RAB5C: variants seen among roughly 807,000 people sequenced by gnomAD.
RAB5C encodes RAB5C, member RAS oncogene family.
A neutral mutation model predicts 25.2 loss-of-function variants in RAB5C; 4 were observed. That is an observed-to-expected ratio of 0.16 (90% CI 0.08 to 0.36). RAB5C has a LOEUF of 0.36. Among genes scored for constraint, RAB5C ranks in the 10% least tolerant of loss-of-function variants. RAB5C has a pLI of 1.00. For missense variants in RAB5C, 199 were observed against 283.8 expected, an observed-to-expected ratio of 0.70 and a Z score of 2.15; for synonymous variants, 100 against 106.4, an observed-to-expected ratio of 0.94 and a Z score of 0.37.
intron 1 of RAB5C, among the ~76,000 whole-genome samples, chr17:42,152,821 G>A (rs2079680962): frequency 6.6e-6 from 1 of 151,754 alleles, no homozygotes; most frequent in African/African-American, 2.4e-5. Context: ...AGCTGGGAGA[G>A]CATGTCCAGA....
chr17:42,141,450 G>A (rs1400381380), intron 1 of RAB5C, among the ~76,000 whole-genome samples: 2 of 152,194 alleles, frequency 1.3e-5, no homozygotes, highest in African/African-American at 2.4e-5. Context: ...GCACAGATAC[G>A]GTGAACTGTG....
intron 1 of RAB5C, 67 bp downstream of exon 1, chr17:42,154,822 CGGGA>C (rs1308043593): frequency 6.6e-6 from 1 of 152,316 alleles, no homozygotes; most frequent in Admixed American, 6.5e-5. Flanking sequence ...TGGGGCTGGG[CGGGA>C]GGAAGGGCTG....
chr17:42,142,460 G>A (rs532468383), intron 1 of RAB5C, among the ~76,000 whole-genome samples: 1 of 152,326 alleles, frequency 6.6e-6, no homozygotes, highest in Admixed American at 6.5e-5. Flanking sequence ...AAAGAAAGCA[G>A]AGTTCCTTTT....
chr17:42,141,554 C>A (rs1226707030), intron 1 of RAB5C, among the ~76,000 whole-genome samples: 3 of 152,150 alleles, frequency 2.0e-5, no homozygotes. Flanking sequence ...CTCGGGTCCC[C>A]TAACAGAGCC....
intron 1 of RAB5C, among the ~76,000 whole-genome samples, chr17:42,144,945 A>G (rs2079624356): frequency 2.4e-4 from 8 of 33,146 alleles, no homozygotes; most frequent in Non-Finnish European, 3.1e-4. Context: ...AAAAAAAAAA[A>G]AAAAAAAAAA....
chr17:42,127,843 T>A lies in RAB5C; in HGVS notation c.441+418A>T, dbSNP rs80227404. ...CACCTGGCTGTTTTTTTTTTTTTTT[T>A]AAAGAGATGGGGCCTCACTCTTGCT... On this transcript the variant is annotated intron_variant, in intron 4 of 5. Transcript: ENST00000346213. 4.8e-3 allele frequency among the ~76,000 whole-genome samples: 728 copies of A among 150,618 alleles called. 3 individuals carry two copies. The highest frequency in any genetic ancestry group is 0.017 in the African/African-American group (693 of 40,982).
intron 4 of RAB5C, among the ~76,000 whole-genome samples, chr17:42,127,963 G>A (rs1489948222): frequency 6.6e-6 from 1 of 151,744 alleles, no homozygotes; most frequent in Admixed American, 6.6e-5. Flanking sequence ...GAGACTACAG[G>A]TGCGTGCCAC....
At chr17:42,134,190 G>C (rs2054513934) in intron 1 of RAB5C, among the ~76,000 whole-genome samples, 1 of 152,102 alleles carries the variant, frequency 6.6e-6, no homozygotes, top group Non-Finnish European at 1.5e-5. Flanking sequence ...TCCCAAGCCT[G>C]GGAAACTGAA....
At chr17:42,147,342 A>G (rs543233513) in intron 1 of RAB5C, among the ~76,000 whole-genome samples, 1 of 152,290 alleles carries the variant, frequency 6.6e-6, no homozygotes, top group African/African-American at 2.4e-5. Context: ...CTCAGGAACG[A>G]GCCTTGTGCA....
intron 1 of RAB5C, among the ~76,000 whole-genome samples, chr17:42,134,507 G>A (rs1488068424): frequency 6.6e-6 from 1 of 152,208 alleles, no homozygotes; most frequent in Non-Finnish European, 1.5e-5. Flanking sequence ...AACCCAGGAA[G>A]CAGAGATTGC....
At chr17:42,143,783 ATTAT>A (rs1350759370) in intron 1 of RAB5C, among the ~76,000 whole-genome samples, 7 of 152,100 alleles carry the variant, frequency 4.6e-5, no homozygotes, top group Admixed American at 2.6e-4. Flanking sequence ...GTAACATTGG[ATTAT>A]TTATTTATTT....
In RAB5C at chr17:42,125,692, GGCCCGA is replaced by G. The variant is rs2054413536; in HGVS notation, c.*85_*90del. ...CCCCTCCCCCTGCCCCCCCAGTGGT[GGCCCGA>G]GTCGTTAAGTGCGATTGGTTAGAGT... On this transcript the variant is annotated 3_prime_UTR_variant, in exon 6 of 6. Coordinates refer to ENST00000346213, the MANE Select transcript of RAB5C (RefSeq NM_004583.4). 2.3e-6 allele frequency: 2 copies of G among 862,518 alleles called. No individual in the cohort carries two copies. The highest frequency in any genetic ancestry group is 3.6e-6 in the Non-Finnish European group (2 of 548,570). The allele number at this position is 862,518 out of a possible 1,614,324, so 53.4% of individuals were successfully genotyped here. A position where few individuals can be genotyped will look rare whatever the true frequency, so the allele number is the denominator to read the frequency against.
chr17:42,146,294 T>C (rs1307907745), intron 1 of RAB5C, among the ~76,000 whole-genome samples: 2 of 152,166 alleles, frequency 1.3e-5, no homozygotes, highest in Non-Finnish European at 2.9e-5. Flanking sequence ...AGGATGGACT[T>C]TAATGTAAAA....
intron 1 of RAB5C, among the ~76,000 whole-genome samples, chr17:42,135,335 G>A (rs2054526434): frequency 1.3e-5 from 2 of 149,364 alleles, no homozygotes; most frequent in Admixed American, 6.7e-5. Flanking sequence ...ACGATTCACT[G>A]CAGCCTTGAC....
chr17:42,143,943 AC>A (rs1263660867), intron 1 of RAB5C, among the ~76,000 whole-genome samples: 6 of 151,612 alleles, frequency 4.0e-5, no homozygotes, highest in Non-Finnish European at 1.5e-5. Flanking sequence ...GCACCATCAT[AC>A]CCAGCTAACT....
At chr17:42,146,154 T>C (rs906601282) in intron 1 of RAB5C, among the ~76,000 whole-genome samples, 2 of 151,826 alleles carry the variant, frequency 1.3e-5, no homozygotes, top group Admixed American at 6.6e-5. Flanking sequence ...ACTGTCAAGG[T>C]CATCAAAAAC....
chr17:42,126,920 C>A, intron 4 of RAB5C, 72 bp from the exon 5 acceptor site: 2 of 962,202 alleles, frequency 2.1e-6, no homozygotes, highest in Non-Finnish European at 3.3e-6. Context: ...GCCCAGGATA[C>A]AAACCTTCCT....
In RAB5C at chr17:42,138,887, G is replaced by A. The variant is rs117761949; in HGVS notation, c.-88-8297C>T. 1.4e-3 allele frequency among the ~76,000 whole-genome samples: 207 copies of A among 152,318 alleles called. 2 individuals are homozygous for A. In the East Asian group the frequency reaches 0.029, roughly 21 times the overall value. Reference sequence around the variant, plus strand: ...GCTGGCTCCTGCAGCCCTTTCCCTTGTGTGGGAAGTCTTGTATCACTTAGG... The same window carrying A: ...GCTGGCTCCTGCAGCCCTTTCCCTTATGTGGGAAGTCTTGTATCACTTAGG... On this transcript the variant is annotated intron_variant, in intron 1 of 5. Transcript: ENST00000346213.
At chr17:42,126,093 A>G (rs758754739) in intron 5 of RAB5C, among the ~76,000 whole-genome samples, 195 bp from the exon 6 acceptor site, 12 of 152,164 alleles carry the variant, frequency 7.9e-5, no homozygotes, top group Non-Finnish European at 1.8e-4. Flanking sequence ...AAGACTACAG[A>G]GCTAATGAGT....
Sources: gnomAD v4.1 joint callset for allele counts (sites outside exome capture counted in the v4.1 genomes callset) on GRCh38, gnomAD v4.1.1 for gene constraint, MANE v1.5 for transcripts, NCBI Gene and HGNC (gene_info 2026-07-23, HGNC 2026-07-21) for gene names.